The following XYLT1 variants were observed in gnomAD, a reference collection of about 807,000 sequenced individuals.
XYLT1 encodes beta-D-xylosyltransferase 1.
A neutral mutation model predicts 91.3 loss-of-function variants in XYLT1; 36 were observed. The ratio of observed to expected loss-of-function variants is 0.39; its 90% CI spans 0.30 to 0.52. XYLT1 has a LOEUF of 0.52. Ranked by LOEUF, XYLT1 falls within the 20% of genes least tolerant of loss-of-function variation. The pLI, the probability that XYLT1 is intolerant of heterozygous loss-of-function variation, is 0.68. For synonymous variants in XYLT1, 588 were observed against 532.0 expected (o/e 1.11, Z -1.45); for missense variants, 1,242 against 1,284.5 (o/e 0.97, Z 0.51).
intron 5 of XYLT1, among the ~76,000 whole-genome samples, chr16:17,165,492 C>T (rs909439777): frequency 8.6e-5 from 13 of 151,740 alleles, no homozygotes; most frequent in African/African-American, 3.2e-4. Flanking sequence ...TGAGACCATC[C>T]TGGCCAACAT....
chr16:17,117,533 C>G (rs1200359644), intron 11 of XYLT1, 113 bp downstream of exon 11: 1 of 1,156,518 alleles, frequency 8.6e-7, no homozygotes, highest in African/African-American at 1.6e-5. Context: ...GAGTGCTGTT[C>G]TGTGAGGCCG....
At chr16:17,239,592 C>CATCCATCCATCCACTCACCTA (rs2033312684) in intron 3 of XYLT1, among the ~76,000 whole-genome samples, 1 of 150,030 alleles carries the variant, frequency 6.7e-6, no homozygotes, top group Non-Finnish European at 1.5e-5. Context: ...TCACCTAGTC[C>CATCCATCCATCCACTCACCTA]GTCCATCCAT....
Position 17,138,550 on chromosome 16 carries a change from C to A in XYLT1, c.1588-19G>T, listed in dbSNP as rs772929879. On this transcript the variant is annotated intron_variant, in intron 7 of 11. Coordinates refer to ENST00000261381, the MANE Select transcript of XYLT1 (RefSeq NM_022166.4). ...AGAAGGACTGCAGGGGAGAGAGGGA[C>A]CCAGCCTGAGACCTCTCCCAGCCTC... 1.9e-6 allele frequency: 3 copies of A among 1,609,150 alleles called. No homozygotes were observed. Among genetic ancestry groups the A allele is most frequent in the Admixed American group, 1.7e-5 (1 of 59,902 alleles).
intron 7 of XYLT1, among the ~76,000 whole-genome samples, chr16:17,140,014 T>C (rs902452393): frequency 1.3e-5 from 2 of 152,076 alleles, no homozygotes; most frequent in Non-Finnish European, 2.9e-5. Context: ...TCATGAGAAA[T>C]GCCATAGACT....
chr16:17,470,299 G>C, intron 1 of XYLT1, 135 bp downstream of exon 1: 1 of 1,106,096 alleles, frequency 9.0e-7, no homozygotes, highest in Non-Finnish European at 1.1e-6. Context: ...GGCTTCCCGG[G>C]GCAAGAGGCG....
chr16:17,245,313 A>T (rs1367902119), intron 3 of XYLT1, among the ~76,000 whole-genome samples: 3 of 152,162 alleles, frequency 2.0e-5, no homozygotes, highest in Non-Finnish European at 4.4e-5. Flanking sequence ...CGCTGCAAAT[A>T]TCACCGGGGA....
intron 1 of XYLT1, among the ~76,000 whole-genome samples, chr16:17,377,035 G>A (rs1012957523): frequency 7.9e-5 from 12 of 151,584 alleles, no homozygotes; most frequent in African/African-American, 1.9e-4. Context: ...AAATTAGCCG[G>A]GCATGGTGGC....
intron 2 of XYLT1, among the ~76,000 whole-genome samples, chr16:17,332,585 C>G (rs1021507407): frequency 6.6e-6 from 1 of 150,820 alleles, no homozygotes. Flanking sequence ...CACACACACA[C>G]ACACACACAC....
chr16:17,300,987 C>T (rs1307544799), intron 2 of XYLT1, among the ~76,000 whole-genome samples: 4 of 152,062 alleles, frequency 2.6e-5, no homozygotes, highest in African/African-American at 9.7e-5. Flanking sequence ...TCTGGGCCTC[C>T]GTTCCTTTCT....
chr16:17,233,949 G>A (rs1334062802), intron 3 of XYLT1, among the ~76,000 whole-genome samples: 2 of 152,164 alleles, frequency 1.3e-5, no homozygotes, highest in East Asian at 3.9e-4. Context: ...CTCTGATTTT[G>A]CGTAGCTGGG....
intron 3 of XYLT1, among the ~76,000 whole-genome samples, chr16:17,253,859 A>AGC (rs142172922): frequency 0.19 from 27,292 of 146,056 alleles, 2,736 homozygotes; most frequent in Admixed American, 0.21. Flanking sequence ...AGAGAGAGAG[A>AGC]GAGCGAGCCT....
intron 9 of XYLT1, 81 bp from the exon 10 acceptor site, chr16:17,127,942 G>T: frequency 1.4e-6 from 2 of 1,402,214 alleles, no homozygotes; most frequent in Non-Finnish European, 1.9e-6. Context: ...AGCTAGTTTT[G>T]TTCCTAAAGC....
chr16:17,437,596 A>G (rs1297349004), intron 1 of XYLT1, among the ~76,000 whole-genome samples: 1 of 152,170 alleles, frequency 6.6e-6, no homozygotes, highest in Non-Finnish European at 1.5e-5. Context: ...CACCCTGCAC[A>G]GCTATCACCT....
chr16:17,194,600 A>G (rs2032387935), intron 5 of XYLT1, among the ~76,000 whole-genome samples: 2 of 150,534 alleles, frequency 1.3e-5, no homozygotes, highest in Admixed American at 6.6e-5. Context: ...TCCAGCCACT[A>G]CTCCACCCCG....
chr16:17,193,519 C>G (rs1449901449), intron 5 of XYLT1: 2 of 152,516 alleles, frequency 1.3e-5, no homozygotes, highest in Non-Finnish European at 1.5e-5. Flanking sequence ...CACACCCCCC[C>G]ACCCCCCACA....
chr16:17,391,719 T>C (rs2035822055), intron 1 of XYLT1, among the ~76,000 whole-genome samples: 1 of 152,128 alleles, frequency 6.6e-6, no homozygotes, highest in East Asian at 1.9e-4. Context: ...CACCCAAAAC[T>C]CATCTTGAAT....
In XYLT1 at chr16:17,227,685, C is replaced by T. The variant is rs185314961; in HGVS notation, c.914-27031G>A. The T allele has an allele frequency of 7.2e-5, 11 of 152,332 alleles. No individual in the cohort carries two copies. In the East Asian group the frequency reaches 2.1e-3, roughly 29 times the overall value. The allele number at this position is 152,332 out of a possible 1,614,324, so 9.4% of individuals were successfully genotyped here. ...GTGAGGAGAAGCACATTTTTTAAAG[C>T]TCACTCTGGAAGCCATGTTTTTTTG... is the stretch of plus-strand genomic sequence containing the variant. On this transcript the variant is annotated intron_variant, in intron 3 of 11. Coordinates refer to ENST00000261381, the MANE Select transcript of XYLT1 (RefSeq NM_022166.4).
intron 10 of XYLT1, among the ~76,000 whole-genome samples, chr16:17,121,082 C>G (rs2030035890): frequency 6.6e-6 from 1 of 152,196 alleles, no homozygotes; most frequent in Admixed American, 6.5e-5. Flanking sequence ...GGGCTGAACA[C>G]ATGGACTTCC....
At position 17,457,686 on chromosome 16, in the gene XYLT1, G is replaced by A. The variant is rs574169689; in HGVS notation, c.363+12748C>T. On this transcript the variant is annotated intron_variant, in intron 1 of 11. Coordinates refer to ENST00000261381, the MANE Select transcript of XYLT1 (RefSeq NM_022166.4). ...TTTTACATCCACAACAGAATCATCT[G>A]CAATACTTGATGACAAGCAAACGGG... 1.4e-4 allele frequency among the ~76,000 whole-genome samples: 22 copies of A among 152,330 alleles called. 1 individual carries two copies. Among genetic ancestry groups the A allele is most frequent in the African/African-American group, 4.3e-4 (18 of 41,574 alleles).
Sources: allele counts gnomAD v4.1 joint callset (sites outside exome capture counted in the v4.1 genomes callset), GRCh38; gene constraint gnomAD v4.1.1; transcripts MANE v1.5; gene names NCBI Gene and HGNC (gene_info 2026-07-23, HGNC 2026-07-21).